The following LRRC37A3 variants were observed in gnomAD, a reference collection of about 807,000 sequenced individuals.
LRRC37A3 encodes leucine-rich repeat-containing protein 37A3.
Under a neutral mutation model 106.2 loss-of-function variants are expected in LRRC37A3, and 25 were observed. The observed-to-expected ratio is 0.24, with a 90% CI of 0.17 to 0.33. LRRC37A3 has a LOEUF of 0.33. Among genes scored for constraint, LRRC37A3 ranks in the 10% least tolerant of loss-of-function variants. LRRC37A3 has a pLI of 1.00. For missense variants in LRRC37A3, 712 were observed against 1,644.9 expected (o/e 0.43, Z 9.81); for synonymous variants, 305 against 635.8 (o/e 0.48, Z 7.83).
At chr17:64,882,872 T>C (rs1048210147) in intron 8 of LRRC37A3, among the ~76,000 whole-genome samples, 2 of 151,602 alleles carry the variant, frequency 1.3e-5, no homozygotes, top group Non-Finnish European at 2.9e-5. Context: ...GAATAAAGTA[T>C]AGCCTTTCTA....
At chr17:64,882,750 T>C (rs1483519943) in intron 8 of LRRC37A3, among the ~76,000 whole-genome samples, 1 of 151,992 alleles carries the variant, frequency 6.6e-6, no homozygotes, top group Non-Finnish European at 1.5e-5. Flanking sequence ...AATAGTGGGA[T>C]AAATAATTCA....
chr17:64,858,285 T>C (rs1001383068), intron 13 of LRRC37A3, among the ~76,000 whole-genome samples: 1 of 152,242 alleles, frequency 6.6e-6, no homozygotes, highest in African/African-American at 2.4e-5. Context: ...ACTGGACCTA[T>C]TTAGACAATG....
chr17:64,864,854 AGTCCT>A (rs1255846087), intron 10 of LRRC37A3, among the ~76,000 whole-genome samples: 1 of 152,082 alleles, frequency 6.6e-6, no homozygotes, highest in African/African-American at 2.4e-5. Context: ...GCCTTTTCTG[AGTCCT>A]CCAAAAGGAT....
At chr17:64,869,451 A>G (rs1403176209) in intron 8 of LRRC37A3, among the ~76,000 whole-genome samples, 1 of 152,190 alleles carries the variant, frequency 6.6e-6, no homozygotes, top group Non-Finnish European at 1.5e-5. Flanking sequence ...AAAAACCCTA[A>G]AAGTGACTAT....
chr17:64,917,119 C>T (rs1408939281), intron 2 of LRRC37A3, among the ~76,000 whole-genome samples: 3 of 150,648 alleles, frequency 2.0e-5, no homozygotes, highest in Non-Finnish European at 3.0e-5. Context: ...GGTGGTAGGC[C>T]CCTGTAGTCC....
chr17:64,895,008 G>A lies in LRRC37A3; in HGVS notation c.2250C>T (p.Asp750=), dbSNP rs1370004658. The part of the protein sequence containing the change: ...TTEETSTQLP[D]LGLAIIPEPT... ...GTTCTGGAATGATGGCAAGTCCCAGGTCTGGAAGCTGAGTTGAGGTCTCCT... is the reference window on the plus strand; with the variant it reads ...GTTCTGGAATGATGGCAAGTCCCAGATCTGGAAGCTGAGTTGAGGTCTCCT... Residue 750 remains aspartate, a synonymous_variant, in exon 4 of 15, where the codon GAC becomes GAT. Coordinates refer to ENST00000584306, the MANE Select transcript of LRRC37A3 (RefSeq NM_199340.5). The A allele has an allele frequency of 6.3e-7, 1 of 1,591,666 alleles. No homozygotes were observed. The highest frequency in any genetic ancestry group is 1.1e-5 in the South Asian group (1 of 90,978).
In LRRC37A3 at chr17:64,896,975, T is replaced by A. The variant is rs1478242342; in HGVS notation, c.283A>T (p.Met95Leu). 1 of 1,558,648 alleles carries A rather than the reference T, an allele frequency of 6.4e-7. No individual in the cohort carries two copies. The highest frequency in any genetic ancestry group is 1.6e-5 in the African/African-American group (1 of 63,482). The change falls in exon 4 of 15, where the codon ATG becomes TTG. Residue 95 changes from methionine (M) to leucine (L), a missense_variant. Coordinates refer to ENST00000584306, the MANE Select transcript of LRRC37A3 (RefSeq NM_199340.5). ...DHLGPSASSE[M>L]PAPPQESTEN... is the part of the protein sequence containing the mutation. ...GTCGATTCCTGGGGTGGGGCTGGCA[T>A]CTCTGAGGAAGCAGAGGGCCCCAGG...
chr17:64,855,989 GA>G (rs1972665442), intron 13 of LRRC37A3, 100 bp from the exon 14 acceptor site: 1 of 1,594,868 alleles, frequency 6.3e-7, no homozygotes, highest in African/African-American at 1.4e-5. Flanking sequence ...TCATCTACCT[GA>G]TGAGGTAACT....
intron 6 of LRRC37A3, among the ~76,000 whole-genome samples, chr17:64,888,563 CTA>C (rs1973894571): frequency 8.0e-6 from 1 of 124,826 alleles, no homozygotes; most frequent in Non-Finnish European, 1.6e-5. Flanking sequence ...AGGAAAATAA[CTA>C]TTTTAAAGGA....
At position 64,859,652 on chromosome 17, in the gene LRRC37A3, G is replaced by GA; in HGVS notation, c.4493dup (p.Arg1499ProfsTer51). The stretch of plus-strand genomic sequence containing the variant: ...CAGAGCAGTCCATCTTCAAGGTCCG[G>GA]ATAACATGAGCAATGAGCCTTCTCA... On this transcript the variant is annotated frameshift_variant, in exon 12 of 15. Transcript: ENST00000584306. LOFTEE classifies it high-confidence loss of function. 1 of 1,613,670 alleles carries GA rather than the reference G, an allele frequency of 6.2e-7. No individual in the cohort carries two copies.
chr17:64,890,679 A>G (rs1163243208), intron 5 of LRRC37A3, among the ~76,000 whole-genome samples: 1 of 143,136 alleles, frequency 7.0e-6, no homozygotes, highest in East Asian at 2.0e-4. Context: ...TAAAAATATA[A>G]AAATTAGCTG....
intron 8 of LRRC37A3, among the ~76,000 whole-genome samples, chr17:64,877,926 A>G (rs62071401): frequency 1.3e-5 from 2 of 152,072 alleles, no homozygotes; most frequent in Non-Finnish European, 2.9e-5. Flanking sequence ...TTTTTTTAAA[A>G]TGGTGCTGGA....
chr17:64,897,510 G>GGTGGGAT lies in LRRC37A3; in HGVS notation c.-260_-254dup, dbSNP rs1306788172. 7.8e-7 allele frequency: 1 copy of GGTGGGAT among 1,279,180 alleles called. No homozygotes were observed. The highest frequency in any genetic ancestry group is 3.4e-5 in the East Asian group (1 of 29,042). The allele number at this position is 1,279,180 out of a possible 1,614,324, so 79.2% of individuals were successfully genotyped here. ...GCTGTGGTGGGGTAGGGTGGGGTAG[G>GGTGGGAT]GTGGGATGGGGGCGCGGCAGAGCTT... On this transcript the variant is annotated 5_prime_UTR_variant, in exon 4 of 15. Transcript: ENST00000584306.
At position 64,916,651 on chromosome 17, in the gene LRRC37A3, G is replaced by A. The variant is rs566723094; in HGVS notation, c.-496+2099C>T. ...AAAAAAAAACTAGCCAGGTGTGGTG[G>A]TGCGCACTTGCAATCCCAGTTACTT... On this transcript the variant is annotated intron_variant, in intron 2 of 14. Transcript: ENST00000584306. 2.0e-3 allele frequency among the ~76,000 whole-genome samples: 308 copies of A among 150,666 alleles called. 1 individual carries two copies. The highest frequency in any genetic ancestry group is 7.2e-3 in the African/African-American group (294 of 40,842).
At chr17:64,914,362 C>A (rs2143634005) in intron 2 of LRRC37A3, among the ~76,000 whole-genome samples, 1 of 152,092 alleles carries the variant, frequency 6.6e-6, no homozygotes, top group East Asian at 1.9e-4. Context: ...AGTTCGAGAC[C>A]AGCCTGGCCA....
rs1188399830 is a variant in LRRC37A3 at position 64,860,887 on chromosome 17, T to C, written c.3259A>G (p.Ile1087Val). The change falls in exon 12 of 15, where the codon ATT becomes GTT. Residue 1087 changes from isoleucine (I) to valine (V), a missense_variant. Ile to Val is a conservative substitution (Grantham distance 29). Transcript: ENST00000584306. ...RKNYTSTELI[I>V]EPEEPSDSSG... ...CTGTCTGAGGGCTCCTCCGGCTCAA[T>C]AATCAGCTCAGTGCTTGTGTAATTC... The C allele has an allele frequency of 1.9e-6, 3 of 1,614,062 alleles. No homozygotes were observed. The highest frequency in any genetic ancestry group is 2.5e-6 in the Non-Finnish European group (3 of 1,180,018).
intron 2 of LRRC37A3, among the ~76,000 whole-genome samples, chr17:64,916,383 G>A (rs1250884981): frequency 2.0e-5 from 3 of 152,126 alleles, no homozygotes; most frequent in Non-Finnish European, 2.9e-5. Flanking sequence ...CCAGCCTGGC[G>A]ACACAGCGAG....
chr17:64,877,909 ATGT>A (rs1424803384), intron 8 of LRRC37A3, among the ~76,000 whole-genome samples: 1 of 152,118 alleles, frequency 6.6e-6, no homozygotes, highest in Non-Finnish European at 1.5e-5. Flanking sequence ...CGTGGAAATA[ATGT>A]TTTTTTTTTT....
chr17:64,859,335 C>T, intron 12 of LRRC37A3, 107 bp downstream of exon 12: 1 of 1,254,576 alleles, frequency 8.0e-7, no homozygotes, highest in Admixed American at 1.9e-5. Flanking sequence ...GTTACATGGC[C>T]AAGATAAGCT....
Sources: gnomAD v4.1 joint callset for allele counts (sites outside exome capture counted in the v4.1 genomes callset) on GRCh38, gnomAD v4.1.1 for gene constraint, MANE v1.5 for transcripts, NCBI Gene and HGNC (gene_info 2026-07-23, HGNC 2026-07-21) for gene names.